Variants in SORCS1 observed in about 807,000 individuals in gnomAD.
The protein encoded by SORCS1 is sortilin related VPS10 domain containing receptor 1.
Under a neutral mutation model 146.1 loss-of-function variants are expected in SORCS1, and 60 were observed. That is an observed-to-expected ratio of 0.41 (90% CI 0.33 to 0.51). The LOEUF (loss-of-function observed/expected upper bound fraction) is 0.51. SORCS1 is among the 20% of genes least tolerant of loss of function. The pLI is 0.21. For missense variants in SORCS1, 1,352 were observed against 1,487.6 expected (o/e 0.91, Z 1.50); for synonymous variants, 637 against 584.0 (o/e 1.09, Z -1.31).
intron 1 of SORCS1, among the ~76,000 whole-genome samples, chr10:107,016,088 G>A (rs1161893106): frequency 1.3e-5 from 2 of 152,176 alleles, no homozygotes; most frequent in Non-Finnish European, 2.9e-5. Flanking sequence ...AAATTTGAGA[G>A]AGCTACACTA....
At chr10:106,859,355 C>T (rs993601621) in intron 2 of SORCS1, among the ~76,000 whole-genome samples, 4 of 152,120 alleles carry the variant, frequency 2.6e-5, no homozygotes, top group Admixed American at 6.5e-5. Context: ...TTCTTTCAGC[C>T]GATCACAATT....
chr10:106,874,914 C>T (rs916552984), intron 2 of SORCS1, among the ~76,000 whole-genome samples: 3 of 152,114 alleles, frequency 2.0e-5, no homozygotes, highest in Non-Finnish European at 4.4e-5. Flanking sequence ...GAACTGACAA[C>T]ATTTTTGTGT....
intron 5 of SORCS1, among the ~76,000 whole-genome samples, chr10:106,732,966 G>A (rs1182227723): frequency 1.3e-5 from 2 of 151,596 alleles, no homozygotes; most frequent in African/African-American, 2.4e-5. Flanking sequence ...TAAAACTACA[G>A]AAATTAGCTG....
At chr10:106,768,082 G>A (rs546236545) in intron 4 of SORCS1, among the ~76,000 whole-genome samples, 23 of 152,240 alleles carry the variant, frequency 1.5e-4, no homozygotes, top group African/African-American at 4.8e-4. Flanking sequence ...TAAGGTGAAC[G>A]TAGTAGGCCT....
intron 1 of SORCS1, among the ~76,000 whole-genome samples, chr10:107,145,368 C>A (rs1386581298): frequency 6.6e-6 from 1 of 152,198 alleles, no homozygotes; most frequent in African/African-American, 2.4e-5. Context: ...TTTCGTCAGT[C>A]ATCCCAGACT....
chr10:106,811,724 C>G (rs1947469655), intron 3 of SORCS1, among the ~76,000 whole-genome samples: 1 of 152,140 alleles, frequency 6.6e-6, no homozygotes, highest in Non-Finnish European at 1.5e-5. Context: ...GGCTAAGAAA[C>G]AGAAATTACT....
intron 2 of SORCS1, among the ~76,000 whole-genome samples, chr10:106,904,469 T>C (rs983354585): frequency 6.6e-6 from 1 of 151,802 alleles, no homozygotes; most frequent in African/African-American, 2.4e-5. Flanking sequence ...CATCTACTGA[T>C]GGGGAAAAAA....
At chr10:106,691,653 C>T (rs3850679) in intron 9 of SORCS1, among the ~76,000 whole-genome samples, 1 of 151,738 alleles carries the variant, frequency 6.6e-6, no homozygotes, top group Non-Finnish European at 1.5e-5. Flanking sequence ...ACAAAGGCCA[C>T]CCCCAACTCC....
chr10:107,022,448 A>C (rs1197714378), intron 1 of SORCS1, among the ~76,000 whole-genome samples: 1 of 152,142 alleles, frequency 6.6e-6, no homozygotes, highest in Non-Finnish European at 1.5e-5. Context: ...CTTAATTAAC[A>C]ATCATTGAGG....
intron 1 of SORCS1, among the ~76,000 whole-genome samples, chr10:107,144,465 G>A (rs1372671467): frequency 6.6e-6 from 1 of 152,164 alleles, no homozygotes; most frequent in Non-Finnish European, 1.5e-5. Flanking sequence ...ACTCTTTGCT[G>A]ACCACAGATG....
chr10:106,797,230 C>G (rs1006902827), intron 3 of SORCS1, among the ~76,000 whole-genome samples: 6 of 152,188 alleles, frequency 3.9e-5, no homozygotes, highest in African/African-American at 1.2e-4. Flanking sequence ...GGGAAAAACA[C>G]TGTCATTTTG....
intron 9 of SORCS1, among the ~76,000 whole-genome samples, chr10:106,689,445 G>T (rs1853129467): frequency 6.6e-6 from 1 of 152,144 alleles, no homozygotes; most frequent in East Asian, 1.9e-4. Flanking sequence ...GCCACATTTT[G>T]AGGATGAGGA....
At position 106,576,519 on chromosome 10, in the gene SORCS1, G is replaced by C. The variant is rs1334341727; in HGVS notation, c.*901C>G. The C allele has an allele frequency of 6.6e-6, 1 of 152,310 alleles. No homozygotes were observed. Among genetic ancestry groups the C allele is most frequent in the Non-Finnish European group, 1.5e-5 (1 of 68,102 alleles). The allele number at this position is 152,310 out of a possible 1,614,324, so 9.4% of individuals were successfully genotyped here. A position where few individuals can be genotyped will look rare whatever the true frequency, so the allele number is the denominator to read the frequency against. ...CCATTTCCTACTGCAGTTGGGGCAG[G>C]AGTAGGGAAAGCTGCAAGGGGAGGC... is the stretch of plus-strand genomic sequence containing the variant. On this transcript the variant is annotated 3_prime_UTR_variant, in exon 26 of 26. Transcript: ENST00000263054.
intron 14 of SORCS1, among the ~76,000 whole-genome samples, chr10:106,673,237 T>C (rs1851745416): frequency 6.6e-6 from 1 of 151,148 alleles, no homozygotes; most frequent in Non-Finnish European, 1.5e-5. Flanking sequence ...GTTCAAGCAA[T>C]TCTCCTGCCT....
intron 1 of SORCS1, among the ~76,000 whole-genome samples, chr10:106,957,387 GTC>G (rs1278213952): frequency 1.3e-5 from 2 of 151,982 alleles, no homozygotes; most frequent in East Asian, 3.9e-4. Context: ...GGGTAGGCTG[GTC>G]TCGAACTCCT....
At chr10:107,136,806 G>A (rs7897974) in intron 1 of SORCS1, among the ~76,000 whole-genome samples, 53,525 of 151,952 alleles carry the variant, frequency 0.35, 11,535 homozygotes, top group Non-Finnish European at 0.49. Flanking sequence ...TTTCACATTC[G>A]TAGCTAATTC....
chr10:106,805,840 C>T (rs1056210244), intron 3 of SORCS1, among the ~76,000 whole-genome samples: 1 of 151,756 alleles, frequency 6.6e-6, no homozygotes, highest in African/African-American at 2.4e-5. Flanking sequence ...AGGTGGATCA[C>T]GAGGTCAGGA....
chr10:107,151,081 G>T lies in SORCS1; in HGVS notation c.558+12888C>A, dbSNP rs548312138. Reference sequence around the variant, plus strand: ...GGCAGAGGCTGGAACAGTTTGGAGGGCTCAGAAGAAGACAGGAGGATGTTA... The same window carrying T: ...GGCAGAGGCTGGAACAGTTTGGAGGTCTCAGAAGAAGACAGGAGGATGTTA... On this transcript the variant is annotated intron_variant, in intron 1 of 25. Transcript: ENST00000263054. Among the ~76,000 whole-genome samples the T allele has an allele frequency of 9.8e-5, 15 of 152,300 alleles. 1 individual carries two copies. In the South Asian group the frequency reaches 2.3e-3, roughly 23 times the overall value.
intron 1 of SORCS1, among the ~76,000 whole-genome samples, chr10:107,049,519 G>C (rs1461744007): frequency 6.6e-6 from 1 of 152,132 alleles, no homozygotes; most frequent in Non-Finnish European, 1.5e-5. Flanking sequence ...CCTGGGTTGG[G>C]ACCTGTCGTA....
Sources: gnomAD v4.1 joint callset for allele counts (sites outside exome capture counted in the v4.1 genomes callset) on GRCh38, gnomAD v4.1.1 for gene constraint, MANE v1.5 for transcripts, NCBI Gene and HGNC (gene_info 2026-07-23, HGNC 2026-07-21) for gene names.